Variants in CSGALNACT1 observed in about 807,000 individuals in gnomAD.
CSGALNACT1 encodes beta4GalNAcT-1.
Under a neutral mutation model 51.0 loss-of-function variants are expected in CSGALNACT1, and 52 were observed. That is an observed-to-expected ratio of 1.02 (90% CI 0.82 to 1.29). The LOEUF (loss-of-function observed/expected upper bound fraction) is 1.29. CSGALNACT1 is among the 50% of genes most tolerant of loss of function. The probability of loss-of-function intolerance (pLI) is 0.00; values close to 1 mark genes in which losing one functional copy is unlikely to be tolerated. For missense variants in CSGALNACT1, 935 were observed against 679.2 expected (o/e 1.38, Z -4.19); for synonymous variants, 341 against 254.4 (o/e 1.34, Z -3.24).
intron 6 of CSGALNACT1, among the ~76,000 whole-genome samples, chr8:19,424,953 G>A (rs2058545872): frequency 6.6e-6 from 1 of 152,142 alleles, no homozygotes; most frequent in South Asian, 2.1e-4. Flanking sequence ...AACCAGCCAG[G>A]AGCAGATGAT....
At chr8:19,488,618 A>C (rs960899877) in intron 4 of CSGALNACT1, among the ~76,000 whole-genome samples, 1 of 152,052 alleles carries the variant, frequency 6.6e-6, no homozygotes, top group African/African-American at 2.4e-5. Context: ...AACAATTTCT[A>C]GGGGTATAAA....
intron 2 of CSGALNACT1, among the ~76,000 whole-genome samples, chr8:19,595,175 A>G (rs2048633835): frequency 6.6e-6 from 1 of 152,212 alleles, no homozygotes; most frequent in South Asian, 2.1e-4. Context: ...AAACTTAACT[A>G]TCATTAATTT....
rs575527389 is a variant in CSGALNACT1 at position 19,618,056 on chromosome 8, T to C, written c.-543-16191A>G. ...ACCACTTCCGGCTGATTTTTTTTTT[T>C]CCTGTAGAGATGGGGTTTCACTACA... On this transcript the variant is annotated intron_variant, in intron 1 of 9. Coordinates refer to the CSGALNACT1 transcript ENST00000332246. Among the ~76,000 whole-genome samples, 215 of 151,810 alleles carry C rather than the reference T, an allele frequency of 1.4e-3. 1 individual carries two copies. Among genetic ancestry groups the C allele is most frequent in the African/African-American group, 4.9e-3 (204 of 41,316 alleles).
intron 1 of CSGALNACT1, among the ~76,000 whole-genome samples, chr8:19,619,501 G>C (rs991172943): frequency 2.6e-5 from 4 of 152,064 alleles, no homozygotes; most frequent in Non-Finnish European, 4.4e-5. Flanking sequence ...GGGCTGGAGA[G>C]GTGAAGACTG....
exon 5 of CSGALNACT1, chr8:19,458,502 C>T: frequency 6.2e-7 from 1 of 1,614,150 alleles, no homozygotes; most frequent in Non-Finnish European, 8.5e-7. Context: ...AGCGTGTTGG[C>T]CATGTTGAGC....
At chr8:19,703,409 T>C (rs536114945) in intron 1 of CSGALNACT1, among the ~76,000 whole-genome samples, 133 of 152,292 alleles carry the variant, frequency 8.7e-4, no homozygotes, top group African/African-American at 3.1e-3. Context: ...GTTCATGCCA[T>C]TCTCCTGCCT....
chr8:19,455,780 C>T (rs138490913), intron 5 of CSGALNACT1, among the ~76,000 whole-genome samples: 2 of 152,204 alleles, frequency 1.3e-5, no homozygotes, highest in Non-Finnish European at 2.9e-5. Context: ...GTCCCATTGT[C>T]CCCTGTCTGT....
intron 5 of CSGALNACT1, chr8:19,457,787 G>A (rs549618702): frequency 4.4e-6 from 6 of 1,351,468 alleles, no homozygotes; most frequent in East Asian, 4.6e-5. Context: ...AGGGCTTAAA[G>A]GCACACATCT....
At chr8:19,505,220 C>G in exon 4 of CSGALNACT1, 1 of 1,614,120 alleles carries the variant, frequency 6.2e-7, no homozygotes, top group Non-Finnish European at 8.5e-7. Flanking sequence ...AATCAGAGGC[C>G]GTGTAAGGAC....
At chr8:19,603,714 G>A (rs1003480143), upstream of CSGALNACT1, among the ~76,000 whole-genome samples, 13 of 152,194 alleles carry the variant, frequency 8.5e-5, no homozygotes, top group Admixed American at 5.9e-4. Flanking sequence ...CTTGCAGGCA[G>A]CAGATCTGGA....
chr8:19,549,229 C>T (rs894376941), intron 3 of CSGALNACT1, among the ~76,000 whole-genome samples: 2 of 151,994 alleles, frequency 1.3e-5, no homozygotes, highest in Non-Finnish European at 2.9e-5. Flanking sequence ...CTCGAAAATC[C>T]AATCAATTTA....
chr8:19,649,375 G>A (rs1435171724), intron 1 of CSGALNACT1, among the ~76,000 whole-genome samples: 1 of 152,082 alleles, frequency 6.6e-6, no homozygotes, highest in Non-Finnish European at 1.5e-5. Flanking sequence ...TATTCTCCCT[G>A]AATCTTTGGT....
At position 19,505,683 on chromosome 8, in the gene CSGALNACT1, GGGCTGTT is replaced by G. The variant is rs754659783; in HGVS notation, c.145_151del (p.Asn49ProfsTer22). 1 of 1,614,146 alleles carries G rather than the reference GGGCTGTT, an allele frequency of 6.2e-7. No individual in the cohort carries two copies. Among genetic ancestry groups the G allele is most frequent in the South Asian group, 1.1e-5 (1 of 91,078 alleles). On this transcript the variant is annotated frameshift_variant, in exon 4 of 10. Coordinates refer to ENST00000454498, the Ensembl canonical transcript of CSGALNACT1. LOFTEE classifies it high-confidence loss of function. ...GGCCTGGTACCCCTCCTTCCCCGTG[GGGCTGTT>G]GGCCCTGGGCAGTGCCAGCTGCTCC...
rs1461378829 is a variant in CSGALNACT1, at chr8:19,574,933, G to T, written c.-297+16227C>A. ...ACCTGTAGTCTCAGCTACTCGGGAG[G>T]CTGAGGCAGGAGAATCTCTTGAACC... On this transcript the variant is annotated intron_variant, in intron 3 of 9. Coordinates refer to ENST00000454498, the Ensembl canonical transcript of CSGALNACT1. Among the ~76,000 whole-genome samples, 4 of 152,038 alleles carry T rather than the reference G, an allele frequency of 2.6e-5. No homozygotes were observed. In the East Asian group the frequency reaches 7.7e-4, roughly 29 times the overall value.
chr8:19,424,933 C>T (rs542294566), intron 6 of CSGALNACT1, among the ~76,000 whole-genome samples: 1 of 152,308 alleles, frequency 6.6e-6, no homozygotes, highest in South Asian at 2.1e-4. Flanking sequence ...CTGCTTCCCC[C>T]CTTCCAAGTA....
intron 8 of CSGALNACT1, among the ~76,000 whole-genome samples, chr8:19,410,828 A>G (rs1168830792): frequency 6.6e-6 from 1 of 152,230 alleles, no homozygotes; most frequent in Non-Finnish European, 1.5e-5. Context: ...TCATCTGGTC[A>G]TGCCCACAGC....
chr8:19,540,612 G>A (rs1342840641), intron 3 of CSGALNACT1, among the ~76,000 whole-genome samples: 4 of 152,170 alleles, frequency 2.6e-5, no homozygotes, highest in African/African-American at 9.7e-5. Context: ...GGTGGGCCAG[G>A]TTCTTTGTGA....
chr8:19,662,980 A>G (rs2058888530), intron 1 of CSGALNACT1, among the ~76,000 whole-genome samples: 1 of 152,226 alleles, frequency 6.6e-6, no homozygotes, highest in Non-Finnish European at 1.5e-5. Context: ...GTAATGATGC[A>G]AGGAAAAGGA....
At chr8:19,405,597 A>C (rs1174776225) in exon 10 of CSGALNACT1, 1 of 837,124 alleles carries the variant, frequency 1.2e-6, no homozygotes, top group Admixed American at 2.0e-5. Context: ...TTTTGCAGGC[A>C]AAGCGGAGAT....
Sources: gnomAD v4.1 joint callset for allele counts (sites outside exome capture counted in the v4.1 genomes callset) on GRCh38, gnomAD v4.1.1 for gene constraint, MANE v1.5 for transcripts, NCBI Gene and HGNC (gene_info 2026-07-23, HGNC 2026-07-21) for gene names.